Variants in FHIT observed in about 807,000 individuals in gnomAD.
FHIT encodes the protein fragile histidine triad diadenosine triphosphatase.
Under a neutral mutation model 17.9 loss-of-function variants are expected in FHIT, and 19 were observed. That is an observed-to-expected ratio of 1.06 (90% confidence interval 0.74 to 1.56). The LOEUF (loss-of-function observed/expected upper bound fraction) is 1.56. Ranked by LOEUF, FHIT falls within the 40% of genes most tolerant of loss-of-function variation. FHIT has a pLI of 0.00. For synonymous variants in FHIT, 81 were observed against 69.7 expected (o/e 1.16, Z -0.81); for missense variants, 248 against 189.2 (o/e 1.31, Z -1.82).
At chr3:59,881,659 T>G (rs375542545) in intron 8 of FHIT, among the ~76,000 whole-genome samples, 3 of 152,290 alleles carry the variant, frequency 2.0e-5, no homozygotes, top group East Asian at 3.9e-4. Flanking sequence ...CACCCTCACT[T>G]CCTTTGCATA....
Position 60,326,241 on chromosome 3 carries a change from A to G in FHIT, c.103+210619T>C, listed in dbSNP as rs1275255260. On this transcript the variant is annotated intron_variant, in intron 5 of 9. Coordinates refer to ENST00000492590, the MANE Select transcript of FHIT (RefSeq NM_002012.4). ...TTATATTATTATTACATTGTAATAT[A>G]TAATGAAATAATTCTACAACTCACC... Among the ~76,000 whole-genome samples the G allele has an allele frequency of 3.3e-5, 5 of 152,296 alleles. No homozygotes were observed. The Middle Eastern group carries it at 0.01, about 311-fold the overall frequency.
chr3:60,269,590 G>A (rs905119137), intron 5 of FHIT, among the ~76,000 whole-genome samples: 2 of 152,218 alleles, frequency 1.3e-5, no homozygotes, highest in South Asian at 2.1e-4. Flanking sequence ...AAATGTGGGA[G>A]TGCAAAGAAA....
chr3:59,882,777 T>C (rs1703463856), intron 8 of FHIT, among the ~76,000 whole-genome samples: 1 of 152,236 alleles, frequency 6.6e-6, no homozygotes, highest in Non-Finnish European at 1.5e-5. Flanking sequence ...TTGGTCCTGC[T>C]TTCCTATATC....
At chr3:61,218,340 A>T (rs1424028935) in intron 1 of FHIT, among the ~76,000 whole-genome samples, 1 of 152,206 alleles carries the variant, frequency 6.6e-6, no homozygotes, top group Non-Finnish European at 1.5e-5. Flanking sequence ...TACTAAAAAA[A>T]GCCCAATAGG....
At chr3:60,555,040 G>C (rs142100975) in intron 4 of FHIT, among the ~76,000 whole-genome samples, 1 of 152,142 alleles carries the variant, frequency 6.6e-6, no homozygotes, top group African/African-American at 2.4e-5. Flanking sequence ...CATTTTTTAC[G>C]TAACAGTGTA....
At chr3:60,782,723 C>T (rs571561659) in intron 4 of FHIT, among the ~76,000 whole-genome samples, 2 of 152,264 alleles carry the variant, frequency 1.3e-5, no homozygotes, top group African/African-American at 4.8e-5. Flanking sequence ...ATTTAATTCT[C>T]ACAGCTCTGG....
At chr3:60,631,540 C>A (rs2039443236) in intron 4 of FHIT, among the ~76,000 whole-genome samples, 1 of 152,096 alleles carries the variant, frequency 6.6e-6, no homozygotes, top group South Asian at 2.1e-4. Flanking sequence ...GGCCCATCCC[C>A]TAGAACAAGA....
chr3:60,326,448 C>A (rs1446039941), intron 5 of FHIT, among the ~76,000 whole-genome samples: 1 of 146,508 alleles, frequency 6.8e-6, no homozygotes, highest in Non-Finnish European at 1.5e-5. Context: ...TCTAATCCTG[C>A]CGCTAATCTC....
At chr3:60,915,271 T>C (rs529488372) in intron 3 of FHIT, among the ~76,000 whole-genome samples, 11 of 152,270 alleles carry the variant, frequency 7.2e-5, no homozygotes, top group African/African-American at 2.6e-4. Context: ...ATTTTAAACA[T>C]TGTTCTCAGG....
chr3:59,806,313 G>A (rs1575526363), intron 8 of FHIT, among the ~76,000 whole-genome samples: 1 of 152,106 alleles, frequency 6.6e-6, no homozygotes. Context: ...GCCTCACAAT[G>A]GTTCTAATTT....
At chr3:60,153,928 G>C (rs1281281574) in intron 5 of FHIT, among the ~76,000 whole-genome samples, 1 of 152,130 alleles carries the variant, frequency 6.6e-6, no homozygotes, top group African/African-American at 2.4e-5. Context: ...TTGTTCTTTA[G>C]AGATGACATA....
At chr3:61,114,973 A>G (rs2036258460) in intron 2 of FHIT, among the ~76,000 whole-genome samples, 1 of 152,184 alleles carries the variant, frequency 6.6e-6, no homozygotes, top group Non-Finnish European at 1.5e-5. Flanking sequence ...ATCAGGGCCA[A>G]AAGATGCTTT....
intron 4 of FHIT, among the ~76,000 whole-genome samples, chr3:60,729,156 G>A (rs577381947): frequency 4.6e-5 from 7 of 152,272 alleles, no homozygotes; most frequent in African/African-American, 1.2e-4. Context: ...ATAAAATAGC[G>A]GCTGTATATC....
intron 5 of FHIT, among the ~76,000 whole-genome samples, chr3:60,163,822 C>T (rs887429641): frequency 6.6e-6 from 1 of 152,144 alleles, no homozygotes; most frequent in South Asian, 2.1e-4. Flanking sequence ...GCCAGAAGTC[C>T]CTAGAGGACA....
rs569267006 is a variant in FHIT, at chr3:60,441,571, A to G, written c.103+95289T>C. Among the ~76,000 whole-genome samples, 119 of 151,086 alleles carry G rather than the reference A, an allele frequency of 7.9e-4. 1 individual carries two copies. The Middle Eastern group carries it at 0.01, about 13-fold the overall frequency. On this transcript the variant is annotated intron_variant, in intron 5 of 9. Coordinates refer to ENST00000492590, the MANE Select transcript of FHIT (RefSeq NM_002012.4). ...TCACTTAACACATAGAGAACTCAAG[A>G]TAGAGACACACCTTTAGAAAGAGTC... is the stretch of plus-strand genomic sequence containing the variant.
intron 4 of FHIT, among the ~76,000 whole-genome samples, chr3:60,648,124 G>A (rs1464250707): frequency 1.8e-4 from 27 of 152,164 alleles, no homozygotes; most frequent in Admixed American, 1.3e-4. Flanking sequence ...CGACAATGGG[G>A]TGGGGAGTCA....
Position 60,356,831 on chromosome 3 carries a change from C to T in FHIT, c.103+180029G>A, listed in dbSNP as rs145471434. 2.4e-3 allele frequency among the ~76,000 whole-genome samples: 349 copies of T among 142,978 alleles called. 1 individual carries two copies. Among genetic ancestry groups the T allele is most frequent in the Non-Finnish European group, 3.9e-3 (256 of 66,192 alleles). 93.8% of individuals were successfully genotyped at this position (142,978 alleles called of 152,430 possible). On this transcript the variant is annotated intron_variant, in intron 5 of 9. Transcript: ENST00000492590. ...TCAGAAACTTGGAATAATAATTCTA[C>T]CTCAAATACTTCTCTTAGGTCTTCT...
intron 3 of FHIT, among the ~76,000 whole-genome samples, chr3:60,972,154 C>T (rs956285790): frequency 1.3e-5 from 2 of 152,154 alleles, no homozygotes; most frequent in African/African-American, 4.8e-5. Context: ...TATTCATAGA[C>T]ACTTACTTAT....
chr3:60,168,262 T>G (rs1294629973), intron 5 of FHIT, among the ~76,000 whole-genome samples: 4 of 152,206 alleles, frequency 2.6e-5, no homozygotes, highest in Non-Finnish European at 5.9e-5. Context: ...TATCTTCTAC[T>G]GCTTCTCTAT....
Sources: gnomAD v4.1 joint callset for allele counts (sites outside exome capture counted in the v4.1 genomes callset) on GRCh38, gnomAD v4.1.1 for gene constraint, MANE v1.5 for transcripts, NCBI Gene and HGNC (gene_info 2026-07-23, HGNC 2026-07-21) for gene names.